Variants in CACNA1C observed in about 807,000 individuals in gnomAD.
CACNA1C encodes the protein voltage-dependent L-type calcium channel subunit alpha-1C.
Under a neutral mutation model 229.0 loss-of-function variants are expected in CACNA1C, and 30 were observed. The observed-to-expected ratio is 0.13, with a 90% CI of 0.10 to 0.18. The LOEUF (loss-of-function observed/expected upper bound fraction) is 0.18, where lower values mean the gene tolerates loss of function less well. CACNA1C is among the 10% of genes least tolerant of loss of function. CACNA1C has a pLI of 1.00. For synonymous variants in CACNA1C, 1,114 were observed against 1,132.5 expected, an observed-to-expected ratio of 0.98 and a Z score of 0.33; for missense variants, 1,658 against 2,845.0, an observed-to-expected ratio of 0.58 and a Z score of 9.49.
chr12:2,270,176 G>A (rs1255406715), intron 3 of CACNA1C, among the ~76,000 whole-genome samples: 1 of 152,166 alleles, frequency 6.6e-6, no homozygotes, highest in Non-Finnish European at 1.5e-5. Flanking sequence ...GTCTTGTTTA[G>A]CCAACTCTAG....
At chr12:2,282,404 C>T (rs781668103) in intron 3 of CACNA1C, among the ~76,000 whole-genome samples, 1 of 152,194 alleles carries the variant, frequency 6.6e-6, no homozygotes, top group Non-Finnish European at 1.5e-5. Context: ...CCCGGATTTC[C>T]CTCTCAATAG....
At chr12:2,560,153 T>C (rs1017623561) in intron 11 of CACNA1C, among the ~76,000 whole-genome samples, 2 of 152,306 alleles carry the variant, frequency 1.3e-5, no homozygotes, top group African/African-American at 4.8e-5. Context: ...CATGAGCAGG[T>C]ATCACACAGC....
rs767302265 is a variant in CACNA1C, at chr12:2,350,613, A to C, written c.478-98363A>C. Among the ~76,000 whole-genome samples the C allele has an allele frequency of 3.5e-4, 54 of 152,204 alleles. 1 individual carries two copies. Among genetic ancestry groups the C allele is most frequent in the Non-Finnish European group, 7.3e-5 (5 of 68,032 alleles). On this transcript the variant is annotated intron_variant, in intron 3 of 46. Coordinates refer to ENST00000399655, the MANE Select transcript of CACNA1C (RefSeq NM_000719.7). ...GCTGCGGGGCCATTGATGCCCATGA[A>C]CTGAAGAGCCCGAATGCCTGGATGA...
At chr12:2,592,350 A>G (rs1415788825) in intron 18 of CACNA1C, among the ~76,000 whole-genome samples, 2 of 152,224 alleles carry the variant, frequency 1.3e-5, no homozygotes, top group Non-Finnish European at 2.9e-5. Context: ...TCCACCTTAG[A>G]TGGAGAAACT....
At chr12:2,018,916 A>T (rs1274604096) in intron 1 of CACNA1C, among the ~76,000 whole-genome samples, 1 of 152,162 alleles carries the variant, frequency 6.6e-6, no homozygotes, top group Admixed American at 6.5e-5. Context: ...TGAACCAGCT[A>T]AAGAAGTGGT....
chr12:2,137,629 T>C (rs1172094689), intron 3 of CACNA1C, among the ~76,000 whole-genome samples: 2 of 151,284 alleles, frequency 1.3e-5, no homozygotes, highest in Non-Finnish European at 3.0e-5. Context: ...GAGGCATTAT[T>C]GTGATCATTA....
intron 3 of CACNA1C, among the ~76,000 whole-genome samples, chr12:2,268,451 A>G (rs1323169416): frequency 1.3e-5 from 2 of 152,134 alleles, no homozygotes; most frequent in Non-Finnish European, 2.9e-5. Context: ...TGGGCTTTGG[A>G]AAATTGTGTC....
chr12:2,008,660 C>T (rs1378912876), intron 1 of CACNA1C, among the ~76,000 whole-genome samples: 1 of 152,058 alleles, frequency 6.6e-6, no homozygotes, highest in Non-Finnish European at 1.5e-5. Flanking sequence ...AATAGCAAGT[C>T]CTGTTCTCTC....
intron 3 of CACNA1C, among the ~76,000 whole-genome samples, chr12:2,437,679 T>C (rs1261202096): frequency 6.6e-6 from 1 of 151,912 alleles, no homozygotes; most frequent in Non-Finnish European, 1.5e-5. Flanking sequence ...ATGGTGATGA[T>C]GGGGGAGGTG....
chr12:2,422,505 C>T (rs1050434484), intron 3 of CACNA1C, among the ~76,000 whole-genome samples: 1 of 152,136 alleles, frequency 6.6e-6, no homozygotes, highest in African/African-American at 2.4e-5. Flanking sequence ...CTACAAGGAC[C>T]TGGGTATATC....
intron 1 of CACNA1C, among the ~76,000 whole-genome samples, chr12:2,092,786 A>G (rs1054093973): frequency 1.6e-4 from 25 of 152,374 alleles, no homozygotes; most frequent in Admixed American, 1.5e-3. Flanking sequence ...TGGGGATCAA[A>G]GAGGTTAAGT....
rs1041900016 is a variant in CACNA1C at position 2,639,899 on chromosome 12, G to A, written c.3912+5519G>A. Among the ~76,000 whole-genome samples, 9 of 152,164 alleles carry A rather than the reference G, an allele frequency of 5.9e-5. No homozygotes were observed. The highest frequency in any genetic ancestry group is 2.2e-4 in the African/African-American group (9 of 41,440). ...AAAAGGAGCAGGAGAAAGACCTTCG[G>A]GGAGCAGAGCAGGCACAGGGAGGGG... On this transcript the variant is annotated intron_variant, in intron 30 of 46. Coordinates refer to ENST00000399655, the MANE Select transcript of CACNA1C (RefSeq NM_000719.7). The surrounding 1 kb of genome is among the most constrained non-coding windows in gnomAD (Gnocchi z 4.2).
At chr12:2,606,729 C>A in intron 25 of CACNA1C, 66 bp downstream of exon 25, 2 of 1,406,870 alleles carry the variant, frequency 1.4e-6, no homozygotes, top group Non-Finnish European at 2.0e-6. Flanking sequence ...GAGGCTTGAC[C>A]AGAAAGGAGG....
At chr12:2,578,323 G>C (rs1315876103) in intron 13 of CACNA1C, among the ~76,000 whole-genome samples, 1 of 152,182 alleles carries the variant, frequency 6.6e-6, no homozygotes, top group East Asian at 1.9e-4. Context: ...GCATGTGTAG[G>C]AGTTGGAGAA....
chr12:2,312,520 A>G (rs147538064), intron 3 of CACNA1C, among the ~76,000 whole-genome samples: 9 of 151,842 alleles, frequency 5.9e-5, no homozygotes, highest in African/African-American at 2.2e-4. Flanking sequence ...CTTTGAAAAT[A>G]CTCTTTGTGT....
intron 3 of CACNA1C, among the ~76,000 whole-genome samples, chr12:2,290,827 C>T (rs1424589039): frequency 6.6e-6 from 1 of 152,182 alleles, no homozygotes. Context: ...AGACGTGTTC[C>T]AGGAATGGAA....
intron 21 of CACNA1C, among the ~76,000 whole-genome samples, chr12:2,599,379 T>G (rs562663842): frequency 4.0e-5 from 6 of 151,864 alleles, no homozygotes. Context: ...CAAGGAACAG[T>G]GGAAGGGCCT....
chr12:2,536,706 G>T (rs984081175), intron 9 of CACNA1C, among the ~76,000 whole-genome samples: 3 of 152,166 alleles, frequency 2.0e-5, no homozygotes, highest in Admixed American at 1.3e-4. Context: ...GTGCATGCCT[G>T]TGGTCCCAGC....
chr12:2,399,032 A>G (rs1358178958), intron 3 of CACNA1C, among the ~76,000 whole-genome samples: 5 of 150,812 alleles, frequency 3.3e-5, no homozygotes. Flanking sequence ...CTCCCTTAAC[A>G]CCTCCCCCCG....
Sources: gnomAD v4.1 joint callset for allele counts (sites outside exome capture counted in the v4.1 genomes callset) on GRCh38, gnomAD v4.1.1 for gene constraint, Gnocchi (gnomAD v3.1) non-coding constraint, MANE v1.5 for transcripts, NCBI Gene and HGNC (gene_info 2026-07-23, HGNC 2026-07-21) for gene names.